The following CYP39A1 variants were observed in gnomAD, a reference collection of about 807,000 sequenced individuals.
The protein encoded by CYP39A1 is cytochrome P450 family 39 subfamily A member 1.
Under a neutral mutation model 58.1 loss-of-function variants are expected in CYP39A1, and 49 were observed. That is an observed-to-expected ratio of 0.84 (90% CI 0.67 to 1.07). CYP39A1 has a LOEUF of 1.07. Ranked by LOEUF, CYP39A1 falls within the 50% of genes least tolerant of loss-of-function variation. The pLI, the probability that CYP39A1 is intolerant of heterozygous loss-of-function variation, is 0.00. For missense variants in CYP39A1, 531 were observed against 539.4 expected (o/e 0.98, Z 0.16); for synonymous variants, 209 against 187.6 (o/e 1.11, Z -0.93).
intron 5 of CYP39A1, among the ~76,000 whole-genome samples, chr6:46,634,507 C>CT (rs147533342): frequency 0.085 from 11,809 of 138,844 alleles, 809 homozygotes; most frequent in Admixed American, 0.18. Flanking sequence ...GGGAATTTTA[C>CT]TTTTTTTTTC....
At chr6:46,635,994 A>G (rs1370708865) in intron 5 of CYP39A1, among the ~76,000 whole-genome samples, 1 of 152,146 alleles carries the variant, frequency 6.6e-6, no homozygotes, top group Non-Finnish European at 1.5e-5. Context: ...AAATTATACT[A>G]TTCTGCTTCC....
At chr6:46,604,611 G>A (rs1355823920) in intron 7 of CYP39A1, among the ~76,000 whole-genome samples, 1 of 152,152 alleles carries the variant, frequency 6.6e-6, no homozygotes, top group Non-Finnish European at 1.5e-5. Context: ...ATATTAACAT[G>A]TTTATTTGAA....
At chr6:46,643,579 G>C (rs1052175138) in intron 1 of CYP39A1, among the ~76,000 whole-genome samples, 1 of 152,176 alleles carries the variant, frequency 6.6e-6, no homozygotes, top group African/African-American at 2.4e-5. Flanking sequence ...GTTCAAATGA[G>C]AATTCTTAAC....
At chr6:46,570,579 A>T (rs188014613) in intron 10 of CYP39A1, among the ~76,000 whole-genome samples, 15 of 152,270 alleles carry the variant, frequency 9.9e-5, no homozygotes, top group African/African-American at 3.4e-4. Flanking sequence ...GGGAATTTAT[A>T]AAGAAAAGAG....
chr6:46,627,287 T>G (rs1285506603), intron 6 of CYP39A1, among the ~76,000 whole-genome samples: 1 of 152,182 alleles, frequency 6.6e-6, no homozygotes, highest in African/African-American at 2.4e-5. Flanking sequence ...GATTTTCAGT[T>G]ACGCAAAACG....
In CYP39A1 at chr6:46,646,669, C is replaced by T. The variant is rs142254706; in HGVS notation, c.178-4371G>A. On this transcript the variant is annotated intron_variant, in intron 1 of 11. Coordinates refer to ENST00000275016, the MANE Select transcript of CYP39A1 (RefSeq NM_016593.5). ...TTTTTAAACATTTGGTATAGTTTTC[C>T]AATGATACAATCTGGGCATAGAGAA... Among the ~76,000 whole-genome samples the T allele has an allele frequency of 2.6e-3, 402 of 152,060 alleles. 1 individual carries two copies. The highest frequency in any genetic ancestry group is 9.0e-3 in the African/African-American group (375 of 41,492).
chr6:46,553,939 T>A, intron 10 of CYP39A1, 85 bp from the exon 11 acceptor site: 1 of 864,670 alleles, frequency 1.2e-6, no homozygotes, highest in Non-Finnish European at 1.8e-6. Flanking sequence ...AGCATACATA[T>A]TTCAGAGTAA....
chr6:46,652,722 G>A lies in CYP39A1; in HGVS notation c.-140C>T. On this transcript the variant is annotated 5_prime_UTR_variant, in exon 1 of 12. Coordinates refer to ENST00000275016, the MANE Select transcript of CYP39A1 (RefSeq NM_016593.5). The stretch of plus-strand genomic sequence containing the variant: ...TTTGCAGCTCTCCTTCGTAACTGTA[G>A]CTTCCTTCCTCTGTCCCAGTTTTCA... 1 of 714,156 alleles carries A rather than the reference G, an allele frequency of 1.4e-6. No homozygotes were observed. Among genetic ancestry groups the A allele is most frequent in the East Asian group, 2.8e-5 (1 of 36,038 alleles). 44.2% of individuals were successfully genotyped at this position (714,156 alleles called of 1,614,324 possible).
rs1772451832 is a variant in CYP39A1, at chr6:46,585,937, C to T, written c.1250+1140G>A. Among the ~76,000 whole-genome samples the T allele has an allele frequency of 2.6e-5, 4 of 152,170 alleles. No homozygotes were observed. The South Asian group carries it at 8.3e-4, about 32-fold the overall frequency. ...ATCCAATGGGACAGGATGAACGGGGCCTCATCCTGAAGAAGTCTCTCCTTT... is the reference window on the plus strand; with the variant it reads ...ATCCAATGGGACAGGATGAACGGGGTCTCATCCTGAAGAAGTCTCTCCTTT... On this transcript the variant is annotated intron_variant, in intron 10 of 11. Transcript: ENST00000275016.
intron 7 of CYP39A1, among the ~76,000 whole-genome samples, chr6:46,615,671 A>C (rs1014577259): frequency 1.3e-5 from 2 of 151,954 alleles, no homozygotes; most frequent in Admixed American, 1.3e-4. Context: ...CTTTTTCCTG[A>C]ATCTCTTCTT....
chr6:46,603,576 G>A (rs1302711757), intron 7 of CYP39A1, among the ~76,000 whole-genome samples: 5 of 152,012 alleles, frequency 3.3e-5, no homozygotes, highest in South Asian at 2.1e-4. Flanking sequence ...AACTCTCTTT[G>A]GAAAAAGCAG....
chr6:46,550,288 A>C lies in CYP39A1; in HGVS notation c.*78T>G, dbSNP rs1371733369. On this transcript the variant is annotated 3_prime_UTR_variant, in exon 12 of 12. Coordinates refer to ENST00000275016, the MANE Select transcript of CYP39A1 (RefSeq NM_016593.5). ...AAAGTGAAGCAGTGTGTTTTTGTAGAGCTCAGGTCTAGGTGCTGCCAGGTG... is the reference window on the plus strand; with the variant it reads ...AAAGTGAAGCAGTGTGTTTTTGTAGCGCTCAGGTCTAGGTGCTGCCAGGTG... 1.8e-6 allele frequency: 2 copies of C among 1,127,624 alleles called. No individual in the cohort carries two copies. Among genetic ancestry groups the C allele is most frequent in the African/African-American group, 3.1e-5 (2 of 63,780 alleles). The allele number at this position is 1,127,624 out of a possible 1,614,324, so 69.9% of individuals were successfully genotyped here. A position where few individuals can be genotyped will look rare whatever the true frequency, so the allele number is the denominator to read the frequency against.
At chr6:46,595,735 G>C (rs1009581707) in intron 8 of CYP39A1, among the ~76,000 whole-genome samples, 6 of 151,948 alleles carry the variant, frequency 3.9e-5, no homozygotes, top group Non-Finnish European at 7.4e-5. Context: ...ATTACCAAGA[G>C]AATAGATTTT....
intron 1 of CYP39A1, among the ~76,000 whole-genome samples, chr6:46,644,333 T>G (rs1328186682): frequency 6.6e-6 from 1 of 152,196 alleles, no homozygotes; most frequent in Non-Finnish European, 1.5e-5. Context: ...CTGAGTAGTA[T>G]TCCACTGTAT....
intron 10 of CYP39A1, among the ~76,000 whole-genome samples, chr6:46,555,125 C>G (rs1046610919): frequency 8.5e-5 from 13 of 152,058 alleles, no homozygotes; most frequent in Non-Finnish European, 1.9e-4. Flanking sequence ...GAAGATCTGC[C>G]CCTTACCTAT....
At chr6:46,569,859 T>C (rs1390524677) in intron 10 of CYP39A1, among the ~76,000 whole-genome samples, 1 of 152,072 alleles carries the variant, frequency 6.6e-6, no homozygotes, top group African/African-American at 2.4e-5. Flanking sequence ...CTTGTCTGAC[T>C]TTTGTGTCAG....
rs777348486 is a variant in CYP39A1 at position 46,588,028 on chromosome 6, A to G, written c.1161+6T>C. 28 of 1,499,388 alleles carry G rather than the reference A, an allele frequency of 1.9e-5. No individual in the cohort carries two copies. Among genetic ancestry groups the G allele is most frequent in the Middle Eastern group, 1.7e-4 (1 of 5,794 alleles). 92.9% of individuals were successfully genotyped at this position (1,499,388 alleles called of 1,614,324 possible). A position where few individuals can be genotyped will look rare whatever the true frequency, so the allele number is the denominator to read the frequency against. On this transcript the variant is annotated splice_donor_region_variant and intron_variant, in intron 9 of 11. Transcript: ENST00000275016. ...AGAATAATATATACTGAAAGAGATAACTTACAGGTTTGAACAATTCAGGCT... is the reference window on the plus strand; with the variant it reads ...AGAATAATATATACTGAAAGAGATAGCTTACAGGTTTGAACAATTCAGGCT...
chr6:46,652,656 C>T lies in CYP39A1; in HGVS notation c.-74G>A. 1 of 1,406,884 alleles carries T rather than the reference C, an allele frequency of 7.1e-7. No homozygotes were observed. The highest frequency in any genetic ancestry group is 1.5e-5 in the South Asian group (1 of 64,886). The allele number at this position is 1,406,884 out of a possible 1,614,324, so 87.2% of individuals were successfully genotyped here. A position where few individuals can be genotyped will look rare whatever the true frequency, so the allele number is the denominator to read the frequency against. On this transcript the variant is annotated 5_prime_UTR_variant, in exon 1 of 12. Coordinates refer to ENST00000275016, the MANE Select transcript of CYP39A1 (RefSeq NM_016593.5). ...CCGTCCCTTGCTTCTTTTCTGTGGG[C>T]TACGGAACCTGTCGGGACTCCCAAC...
intron 10 of CYP39A1, among the ~76,000 whole-genome samples, chr6:46,571,297 T>C (rs1771574091): frequency 6.6e-6 from 1 of 152,120 alleles, no homozygotes; most frequent in South Asian, 2.1e-4. Flanking sequence ...GCTTGGATGA[T>C]CTCTCTATTG....
Sources: allele counts gnomAD v4.1 joint callset (sites outside exome capture counted in the v4.1 genomes callset), GRCh38; gene constraint gnomAD v4.1.1; transcripts MANE v1.5; gene names NCBI Gene and HGNC (gene_info 2026-07-23, HGNC 2026-07-21).